Variants in EYS observed in about 807,000 individuals in gnomAD.
The protein encoded by EYS is protein eyes shut homolog.
EYS carries 250 observed loss-of-function variants against 282.1 expected under a neutral mutation model. The ratio of observed to expected loss-of-function variants is 0.89; its 90% CI spans 0.80 to 0.98. The LOEUF is 0.98. EYS is among the 50% of genes least tolerant of loss of function. The pLI, the probability that EYS is intolerant of heterozygous loss-of-function variation, is 0.00. For synonymous variants in EYS, 1,355 were observed against 1,282.9 expected, an observed-to-expected ratio of 1.06 and a Z score of -1.20; for missense variants, 4,016 against 3,709.0, an observed-to-expected ratio of 1.08 and a Z score of -2.15.
At chr6:64,841,587 C>A (rs1200878454) in intron 19 of EYS, among the ~76,000 whole-genome samples, 1 of 151,994 alleles carries the variant, frequency 6.6e-6, no homozygotes, top group Admixed American at 6.6e-5. Flanking sequence ...ATTTCCCAAT[C>A]CGAAATCCAG....
chr6:64,977,244 A>G (rs1305010437), intron 14 of EYS, among the ~76,000 whole-genome samples: 1 of 151,894 alleles, frequency 6.6e-6, no homozygotes. Flanking sequence ...TCTGTGATAC[A>G]TTTTGTTAAT....
At chr6:64,999,800 T>G (rs928318515) in intron 13 of EYS, among the ~76,000 whole-genome samples, 7 of 152,036 alleles carry the variant, frequency 4.6e-5, no homozygotes, top group African/African-American at 1.7e-4. Context: ...CAGAACAACA[T>G]GGAGTTTTGC....
At chr6:64,769,371 A>G (rs1240375099) in intron 22 of EYS, among the ~76,000 whole-genome samples, 1 of 152,092 alleles carries the variant, frequency 6.6e-6, no homozygotes, top group Non-Finnish European at 1.5e-5. Context: ...ACAACTCTAT[A>G]GACACTGAAG....
intron 31 of EYS, among the ~76,000 whole-genome samples, chr6:64,205,110 C>A (rs1765576241): frequency 6.6e-6 from 1 of 152,046 alleles, no homozygotes; most frequent in African/African-American, 2.4e-5. Context: ...AATTGAAAGC[C>A]CTTTTCATAG....
intron 28 of EYS, among the ~76,000 whole-genome samples, chr6:64,420,093 C>T (rs923989323): frequency 6.6e-6 from 1 of 152,184 alleles, no homozygotes; most frequent in Non-Finnish European, 1.5e-5. Context: ...AGATTTCATA[C>T]CTCTGAAATC....
intron 12 of EYS, among the ~76,000 whole-genome samples, chr6:65,173,800 T>G (rs1198537970): frequency 6.6e-6 from 1 of 151,214 alleles, no homozygotes. Context: ...ATTCTGGAAT[T>G]GATTACCTTG....
intron 22 of EYS, among the ~76,000 whole-genome samples, chr6:64,660,583 T>C (rs2149887230): frequency 6.6e-6 from 1 of 152,278 alleles, no homozygotes; most frequent in South Asian, 2.1e-4. Flanking sequence ...AGCATTCTAA[T>C]ACTCCAATAA....
At chr6:64,676,688 C>T (rs1344640643) in intron 22 of EYS, among the ~76,000 whole-genome samples, 1 of 152,048 alleles carries the variant, frequency 6.6e-6, no homozygotes, top group Non-Finnish European at 1.5e-5. Flanking sequence ...TCTTTTATTA[C>T]AGATCTGGAG....
chr6:64,186,248 T>TAC (rs34727951), intron 31 of EYS, among the ~76,000 whole-genome samples: 18,124 of 146,924 alleles, frequency 0.12, 1,068 homozygotes, highest in East Asian at 0.17. Context: ...ATGTGTGTTT[T>TAC]ACACACACAC....
chr6:64,461,142 G>A (rs1287057792), intron 26 of EYS, among the ~76,000 whole-genome samples: 1 of 152,094 alleles, frequency 6.6e-6, no homozygotes, highest in Non-Finnish European at 1.5e-5. Flanking sequence ...TTCATGTAAG[G>A]AATATTTATA....
intron 2 of EYS, among the ~76,000 whole-genome samples, chr6:65,569,006 A>G (rs978559754): frequency 3.9e-5 from 6 of 152,180 alleles, no homozygotes; most frequent in African/African-American, 1.4e-4. Flanking sequence ...CTTTGAGACA[A>G]CGATGATAAC....
intron 5 of EYS, among the ~76,000 whole-genome samples, chr6:65,427,105 C>G (rs1243807874): frequency 6.6e-6 from 1 of 151,986 alleles, no homozygotes; most frequent in Non-Finnish European, 1.5e-5. Context: ...CCCCCTGAAG[C>G]TTTTTCTTTA....
chr6:63,741,372 T>C (rs1451891457), intron 41 of EYS, among the ~76,000 whole-genome samples: 1 of 152,172 alleles, frequency 6.6e-6, no homozygotes, highest in African/African-American at 2.4e-5. Context: ...TGGATTGCAA[T>C]GAAGTACCAT....
intron 13 of EYS, among the ~76,000 whole-genome samples, chr6:65,028,737 T>C (rs1489688654): frequency 1.3e-5 from 2 of 152,088 alleles, no homozygotes; most frequent in Non-Finnish European, 2.9e-5. Context: ...CAGTAAAAAA[T>C]TTATGTAATT....
At position 63,886,477 on chromosome 6, in the gene EYS, C is replaced by A. The variant is rs1773263446; in HGVS notation, c.7056-22119G>T. On this transcript the variant is annotated intron_variant, in intron 35 of 42. Coordinates refer to ENST00000503581, the MANE Select transcript of EYS (RefSeq NM_001142800.2). Reference sequence around the variant, plus strand: ...AAAAAGTGATGTTATTACTTTAGATCATTTTGTTAAACGTTTGGAACATTT... The same window carrying A: ...AAAAAGTGATGTTATTACTTTAGATAATTTTGTTAAACGTTTGGAACATTT... Among the ~76,000 whole-genome samples the A allele has an allele frequency of 2.0e-5, 3 of 152,076 alleles. 1 individual carries two copies. In the South Asian group the frequency reaches 6.2e-4, roughly 32 times the overall value.
intron 22 of EYS, among the ~76,000 whole-genome samples, chr6:64,783,883 C>T (rs747949460): frequency 1.6e-4 from 25 of 152,050 alleles, no homozygotes; most frequent in Non-Finnish European, 2.9e-4. Flanking sequence ...CTAGTTCAGT[C>T]AATGATTCTC....
intron 12 of EYS, among the ~76,000 whole-genome samples, chr6:65,099,545 G>A (rs1341903203): frequency 6.6e-6 from 1 of 150,680 alleles, no homozygotes; most frequent in East Asian, 1.9e-4. Context: ...GAATGGCACA[G>A]TATTGGGGTT....
chr6:63,999,163 C>T lies in EYS; in HGVS notation c.6746G>A (p.Ser2249Asn). Reference sequence around the variant, plus strand: ...TTCAATCATACAAACAACTCCAGGGCTGCCAACAGGCGTTGTGTAGCTAAA... The same window carrying T: ...TTCAATCATACAAACAACTCCAGGGTTGCCAACAGGCGTTGTGTAGCTAAA... ...ITIRYTTPVG[S>N]PGVVCMIEMT... is the part of the protein sequence containing the mutation. Residue 2249 changes from serine to asparagine, a missense_variant, in exon 34 of 43, where the codon AGC becomes AAC. Ser to Asn is a conservative substitution (Grantham distance 46). Transcript: ENST00000503581. 1 of 1,551,446 alleles carries T rather than the reference C, an allele frequency of 6.4e-7. No homozygotes were observed. Among genetic ancestry groups the T allele is most frequent in the Non-Finnish European group, 8.7e-7 (1 of 1,146,764 alleles).
At chr6:65,538,741 C>T (rs955124713) in intron 2 of EYS, among the ~76,000 whole-genome samples, 3 of 151,892 alleles carry the variant, frequency 2.0e-5, no homozygotes, top group Admixed American at 6.6e-5. Flanking sequence ...TGTTTGAAAC[C>T]CTTCCATGAC....
Sources: gnomAD v4.1 joint callset for allele counts (sites outside exome capture counted in the v4.1 genomes callset) on GRCh38, gnomAD v4.1.1 for gene constraint, MANE v1.5 for transcripts, NCBI Gene and HGNC (gene_info 2026-07-23, HGNC 2026-07-21) for gene names.